F13A1: variants seen among roughly 807,000 people sequenced by gnomAD.
F13A1 encodes FSF, A subunit.
Under a neutral mutation model 80.1 loss-of-function variants are expected in F13A1, and 47 were observed. The ratio of observed to expected loss-of-function variants is 0.59; its 90% confidence interval spans 0.46 to 0.75. The LOEUF is 0.75. Among genes scored for constraint, F13A1 ranks in the 30% least tolerant of loss-of-function variants. The pLI, the probability that F13A1 is intolerant of heterozygous loss-of-function variation, is 0.00. For missense variants in F13A1, 817 were observed against 930.4 expected (o/e 0.88, Z 1.59); for synonymous variants, 349 against 344.9 (o/e 1.01, Z -0.13).
intron 3 of F13A1, among the ~76,000 whole-genome samples, chr6:6,295,524 T>C (rs1204267720): frequency 2.6e-4 from 38 of 147,190 alleles, no homozygotes; most frequent in South Asian, 2.5e-3. Flanking sequence ...CATGTGTTTT[T>C]TGGCTGCATA....
chr6:6,269,629 C>T (rs914284000), intron 3 of F13A1, among the ~76,000 whole-genome samples: 1 of 152,086 alleles, frequency 6.6e-6, no homozygotes, highest in Admixed American at 6.5e-5. Context: ...TCAATGTAAT[C>T]TCCATTCATC....
In F13A1 at chr6:6,318,695, A is replaced by AC. The variant is rs1389199911; in HGVS notation, c.-18-14_-18-13insG. The AC allele has an allele frequency of 1.9e-6, 3 of 1,604,082 alleles. No individual in the cohort carries two copies. In the East Asian group the frequency reaches 6.7e-5, roughly 36 times the overall value. On this transcript the variant is annotated splice_polypyrimidine_tract_variant and intron_variant, in intron 1 of 14. Coordinates refer to ENST00000264870, the MANE Select transcript of F13A1 (RefSeq NM_000129.4). ...ACTTTACAAGGTCCTTCAGAAAAAA[A>AC]AAAAAAAGAAGACAACAGAAAAGGC...
At chr6:6,157,708 T>C (rs1452380176) in intron 13 of F13A1, among the ~76,000 whole-genome samples, 1 of 152,210 alleles carries the variant, frequency 6.6e-6, no homozygotes, top group Non-Finnish European at 1.5e-5. Flanking sequence ...TCTAGGATTT[T>C]CTCTTTTAAA....
At chr6:6,269,279 C>A (rs1757887921) in intron 3 of F13A1, among the ~76,000 whole-genome samples, 3 of 152,052 alleles carry the variant, frequency 2.0e-5, no homozygotes, top group Admixed American at 6.5e-5. Context: ...GGGAGGGCAG[C>A]TTAATAATTG....
chr6:6,209,995 G>A (rs1761573290), intron 8 of F13A1, among the ~76,000 whole-genome samples: 1 of 151,996 alleles, frequency 6.6e-6, no homozygotes, highest in Non-Finnish European at 1.5e-5. Flanking sequence ...GGAGGCTGAG[G>A]CAGGAGAATC....
At chr6:6,313,984 C>CCCTTTTT (rs374113663) in intron 2 of F13A1, among the ~76,000 whole-genome samples, 1 of 139,344 alleles carries the variant, frequency 7.2e-6, no homozygotes, top group Non-Finnish European at 1.5e-5. Flanking sequence ...TTTCTCCTTA[C>CCCTTTTT]TCTTTTTTTT....
intron 4 of F13A1, among the ~76,000 whole-genome samples, chr6:6,255,321 C>T (rs1310398481): frequency 6.6e-6 from 1 of 152,114 alleles, no homozygotes; most frequent in Non-Finnish European, 1.5e-5. Flanking sequence ...AACTCATCAA[C>T]ACTCATAACA....
rs370198434 is a variant in F13A1 at position 6,243,128 on chromosome 6, C to T, written c.798+5184G>A. Among the ~76,000 whole-genome samples the T allele has an allele frequency of 1.3e-5, 2 of 151,782 alleles. No individual in the cohort carries two copies. Among genetic ancestry groups the T allele is most frequent in the East Asian group, 1.9e-4 (1 of 5,196 alleles). On this transcript the variant is annotated intron_variant, in intron 6 of 14. Transcript: ENST00000264870. This position sits in a 1 kb window ranked among gnomAD's most constrained non-coding sequence, Gnocchi z 4.2. ...ATCACCACCACCACTACCACTATCACCACCATCATAAATCACCACCACCAC... is the reference window on the plus strand; with the variant it reads ...ATCACCACCACCACTACCACTATCATCACCATCATAAATCACCACCACCAC...
At chr6:6,217,687 TAAATAA>T (rs754395743) in intron 8 of F13A1, among the ~76,000 whole-genome samples, 30 of 151,722 alleles carry the variant, frequency 2.0e-4, no homozygotes, top group East Asian at 9.7e-4. Context: ...ATAATAAAAA[TAAATAA>T]AAATAAAAAT....
intron 8 of F13A1, among the ~76,000 whole-genome samples, chr6:6,217,121 G>A (rs1448058283): frequency 6.8e-5 from 10 of 147,098 alleles, no homozygotes; most frequent in Admixed American, 2.7e-4. Context: ...TCAGTGTGGC[G>A]ATTCCTCAGG....
intron 6 of F13A1, among the ~76,000 whole-genome samples, chr6:6,246,907 A>T (rs1043358223): frequency 1.5e-4 from 23 of 152,240 alleles, no homozygotes; most frequent in Non-Finnish European, 1.0e-4. Flanking sequence ...CAAAATTGTT[A>T]TGGTAACTTC....
At chr6:6,187,973 T>C (rs1299490864) in intron 10 of F13A1, among the ~76,000 whole-genome samples, 1 of 149,824 alleles carries the variant, frequency 6.7e-6, no homozygotes, top group Non-Finnish European at 1.5e-5. Flanking sequence ...TGTCGAGGAA[T>C]TTATCCATTT....
chr6:6,251,878 A>G (rs9504732), intron 4 of F13A1, among the ~76,000 whole-genome samples: 32,963 of 152,136 alleles, frequency 0.22, 3,877 homozygotes, highest in African/African-American at 0.3. Flanking sequence ...TGAACCAGAT[A>G]CTATTGACAA....
chr6:6,318,619 G>A lies in F13A1; in HGVS notation c.46C>T (p.Pro16Ser), dbSNP rs2113207212. 6.2e-7 allele frequency: 1 copy of A among 1,612,416 alleles called. No homozygotes were observed. The change falls in exon 2 of 15, where the codon CCA becomes TCA. Residue 16 changes from proline to serine, a missense_variant. Physicochemically the swap from Pro to Ser is moderately conservative, Grantham distance 74. Transcript: ENST00000264870. ...RTAFGGRRAVPPNNSNAAEDD... is the reference protein window; with the variant it reads ...RTAFGGRRAVSPNNSNAAEDD... The stretch of plus-strand genomic sequence containing the variant: ...TCCGCTGCATTAGAGTTATTGGGTG[G>A]AACTGCTCTTCTGCCTCCAAAGGCG...
At chr6:6,183,642 C>A (rs1000442737) in intron 10 of F13A1, among the ~76,000 whole-genome samples, 1 of 152,066 alleles carries the variant, frequency 6.6e-6, no homozygotes, top group Non-Finnish European at 1.5e-5. Flanking sequence ...GCGATAAGTA[C>A]CATGAAAGAA....
chr6:6,157,377 T>G (rs1454412186), intron 13 of F13A1, among the ~76,000 whole-genome samples: 6 of 152,150 alleles, frequency 3.9e-5, no homozygotes, highest in Non-Finnish European at 8.8e-5. Flanking sequence ...TCTAAAACAT[T>G]CATCTTCAAA....
In F13A1 at chr6:6,162,714, T is replaced by TA. The variant is rs1343477894; in HGVS notation, c.1908+4743dup. 1.3e-5 allele frequency among the ~76,000 whole-genome samples: 2 copies of TA among 152,296 alleles called. No homozygotes were observed. The highest frequency in any genetic ancestry group is 4.8e-5 in the African/African-American group (2 of 41,562). On this transcript the variant is annotated intron_variant, in intron 13 of 14. Transcript: ENST00000264870. This position sits in a 1 kb window ranked among gnomAD's most constrained non-coding sequence, Gnocchi z 4.2. ...TGTGACTCGGGCATCCAATGACTCA[T>TA]AAAAAACTCACAAGGACCCCAGGAG... is the stretch of plus-strand genomic sequence containing the variant.
At chr6:6,236,002 G>A (rs938560834) in intron 6 of F13A1, among the ~76,000 whole-genome samples, 1 of 152,058 alleles carries the variant, frequency 6.6e-6, no homozygotes, top group African/African-American at 2.4e-5. Flanking sequence ...AAAACAGCAT[G>A]GATGAAGCTC....
intron 8 of F13A1, among the ~76,000 whole-genome samples, chr6:6,211,499 T>A (rs553076800): frequency 6.6e-6 from 1 of 152,378 alleles, no homozygotes; most frequent in East Asian, 1.9e-4. Flanking sequence ...AGCAATTTGG[T>A]CTACATTCTG....
Sources: gnomAD v4.1 joint callset for allele counts (sites outside exome capture counted in the v4.1 genomes callset) on GRCh38, gnomAD v4.1.1 for gene constraint, Gnocchi (gnomAD v3.1) non-coding constraint, MANE v1.5 for transcripts, NCBI Gene and HGNC (gene_info 2026-07-23, HGNC 2026-07-21) for gene names.